The following LRP1B variants were observed in gnomAD, a reference collection of about 807,000 sequenced individuals.
LRP1B encodes low-density lipoprotein receptor-related protein 1B.
A neutral mutation model predicts 556.6 loss-of-function variants in LRP1B; 217 were observed. The ratio of observed to expected loss-of-function variants is 0.39; its 90% CI spans 0.35 to 0.44. LRP1B has a LOEUF of 0.44. Among genes scored for constraint, LRP1B ranks in the 20% least tolerant of loss-of-function variants. The probability of loss-of-function intolerance (pLI) is 1.00; values close to 1 mark genes in which losing one functional copy is unlikely to be tolerated. For missense variants in LRP1B, 5,053 were observed against 5,620.8 expected, an observed-to-expected ratio of 0.90 and a Z score of 3.23; for synonymous variants, 2,047 against 1,865.8, an observed-to-expected ratio of 1.10 and a Z score of -2.50.
At chr2:140,936,005 A>ATGTG (rs558822517) in intron 20 of LRP1B, among the ~76,000 whole-genome samples, 85 of 149,114 alleles carry the variant, frequency 5.7e-4, no homozygotes, top group African/African-American at 1.5e-3. Context: ...CTGTGTGTAT[A>ATGTG]TGTGTGTGTG....
At chr2:141,603,545 A>G (rs1687822213) in intron 2 of LRP1B, among the ~76,000 whole-genome samples, 1 of 152,184 alleles carries the variant, frequency 6.6e-6, no homozygotes, top group Non-Finnish European at 1.5e-5. Context: ...GATCATTCAG[A>G]ATTTAGCACA....
chr2:140,630,613 A>G (rs1683843623), intron 41 of LRP1B, among the ~76,000 whole-genome samples: 1 of 152,206 alleles, frequency 6.6e-6, no homozygotes, highest in African/African-American at 2.4e-5. Context: ...AGAGCTGCAC[A>G]TTTTTGTGTG....
At chr2:141,220,769 T>TAAA (rs34002651) in intron 6 of LRP1B, among the ~76,000 whole-genome samples, 1 of 137,092 alleles carries the variant, frequency 7.3e-6, no homozygotes, top group Non-Finnish European at 1.6e-5. Context: ...TCAACATTCT[T>TAAA]AAAAAAAAAA....
chr2:141,429,007 A>G (rs1680472665), intron 3 of LRP1B, among the ~76,000 whole-genome samples: 1 of 152,204 alleles, frequency 6.6e-6, no homozygotes, highest in Admixed American at 6.5e-5. Context: ...GGCAGGTCCC[A>G]CTGATGCACT....
chr2:141,621,882 T>G (rs1445068681), intron 2 of LRP1B, among the ~76,000 whole-genome samples: 2 of 152,038 alleles, frequency 1.3e-5, no homozygotes, highest in Non-Finnish European at 2.9e-5. Flanking sequence ...CTCTCTTTTT[T>G]GTTTGTTTGT....
At chr2:141,973,014 T>C (rs1257182199) in intron 1 of LRP1B, among the ~76,000 whole-genome samples, 2 of 151,644 alleles carry the variant, frequency 1.3e-5, no homozygotes, top group East Asian at 3.9e-4. Context: ...GACAAAAATA[T>C]CTCATTTCAA....
chr2:140,243,235 T>C (rs1681025303), intron 87 of LRP1B, among the ~76,000 whole-genome samples: 2 of 151,058 alleles, frequency 1.3e-5, no homozygotes, highest in South Asian at 2.1e-4. Flanking sequence ...ATAGGAATTT[T>C]GGGGAATCAA....
rs113567894 is a variant in LRP1B at position 141,569,162 on chromosome 2, C to A, written c.206-88629G>T. Among the ~76,000 whole-genome samples, 299 of 151,006 alleles carry A rather than the reference C, an allele frequency of 2.0e-3. 4 individuals are homozygous for A. Among genetic ancestry groups the A allele is most frequent in the African/African-American group, 6.9e-3 (286 of 41,438 alleles). ...AGATACAGATTCTAACAAATCTCAC[C>A]TCAATAGGAGATCATTTGAAAACAA... On this transcript the variant is annotated intron_variant, in intron 2 of 90. Coordinates refer to ENST00000389484, the MANE Select transcript of LRP1B (RefSeq NM_018557.3).
Position 141,307,475 on chromosome 2 carries a change from G to A in LRP1B, c.344-52834C>T, listed in dbSNP as rs142060509. ...TACATGGAATATCCTTTTTTTATCC[G>A]TTTACTTTCAGTCTGTATAACTTTA... On this transcript the variant is annotated intron_variant, in intron 3 of 90. Coordinates refer to ENST00000389484, the MANE Select transcript of LRP1B (RefSeq NM_018557.3). 2.5e-3 allele frequency among the ~76,000 whole-genome samples: 374 copies of A among 151,710 alleles called. 1 individual carries two copies. The highest frequency in any genetic ancestry group is 3.3e-3 in the Non-Finnish European group (224 of 67,934).
intron 3 of LRP1B, among the ~76,000 whole-genome samples, chr2:141,427,556 G>A (rs898285699): frequency 6.6e-6 from 1 of 152,108 alleles, no homozygotes; most frequent in Non-Finnish European, 1.5e-5. Flanking sequence ...TGGAAATGCA[G>A]GGATACTCTC....
At chr2:140,600,574 C>T (rs1231972571) in intron 42 of LRP1B, among the ~76,000 whole-genome samples, 3 of 151,888 alleles carry the variant, frequency 2.0e-5, no homozygotes, top group Non-Finnish European at 4.4e-5. Flanking sequence ...TTAATCACAC[C>T]TAAAACGAAC....
intron 3 of LRP1B, among the ~76,000 whole-genome samples, chr2:141,470,581 T>C (rs1682424822): frequency 6.6e-6 from 1 of 152,190 alleles, no homozygotes; most frequent in Non-Finnish European, 1.5e-5. Context: ...TAGTCAAAAT[T>C]GGTGAAGGAA....
intron 41 of LRP1B, among the ~76,000 whole-genome samples, chr2:140,627,460 A>C (rs1309825032): frequency 6.6e-6 from 1 of 152,066 alleles, no homozygotes. Flanking sequence ...CTTGTTCTTC[A>C]GCTTTTGGAC....
At chr2:141,568,442 G>T (rs1686411214) in intron 2 of LRP1B, among the ~76,000 whole-genome samples, 1 of 151,046 alleles carries the variant, frequency 6.6e-6, no homozygotes, top group Admixed American at 6.6e-5. Context: ...GAAATAGGTT[G>T]AATATAAGAA....
At chr2:141,539,206 A>AT (rs1199691692) in intron 2 of LRP1B, among the ~76,000 whole-genome samples, 2 of 131,154 alleles carry the variant, frequency 1.5e-5, no homozygotes, top group African/African-American at 5.0e-5. Context: ...CCAGGAAGTT[A>AT]TTATCATAGA....
intron 1 of LRP1B, among the ~76,000 whole-genome samples, chr2:142,117,639 G>A (rs1707320597): frequency 6.6e-6 from 1 of 152,046 alleles, no homozygotes; most frequent in Admixed American, 6.6e-5. Flanking sequence ...GAGAGAGAGA[G>A]AAAGAGAGAG....
chr2:142,089,850 G>A (rs1364031522), intron 1 of LRP1B, among the ~76,000 whole-genome samples: 1 of 152,060 alleles, frequency 6.6e-6, no homozygotes, highest in Non-Finnish European at 1.5e-5. Context: ...AATATATTTT[G>A]ATATATTCTT....
chr2:141,746,989 TAA>T (rs5834864), intron 2 of LRP1B, among the ~76,000 whole-genome samples: 1 of 152,002 alleles, frequency 6.6e-6, no homozygotes, highest in African/African-American at 2.4e-5. Flanking sequence ...TCCTTCATGT[TAA>T]AAAAAATCTG....
At chr2:140,287,469 TA>T (rs1683193462) in intron 84 of LRP1B, among the ~76,000 whole-genome samples, 1 of 151,776 alleles carries the variant, frequency 6.6e-6, no homozygotes, top group Admixed American at 6.6e-5. Context: ...TTTCTGCCAA[TA>T]AGTTGATTCA....
Sources: allele counts gnomAD v4.1 joint callset (sites outside exome capture counted in the v4.1 genomes callset), GRCh38; gene constraint gnomAD v4.1.1; transcripts MANE v1.5; gene names NCBI Gene and HGNC (gene_info 2026-07-23, HGNC 2026-07-21).